LAMB4: variants seen among roughly 807,000 people sequenced by gnomAD.
The protein encoded by LAMB4 is laminin subunit beta 4.
Under a neutral mutation model 199.2 loss-of-function variants are expected in LAMB4, and 196 were observed. The observed-to-expected ratio is 0.98, with a 90% CI of 0.88 to 1.11. The LOEUF is 1.11. Ranked by LOEUF, LAMB4 falls within the 50% of genes least tolerant of loss-of-function variation. The pLI is 0.00. For missense variants in LAMB4, 2,080 were observed against 2,171.2 expected, an observed-to-expected ratio of 0.96 and a Z score of 0.83; for synonymous variants, 744 against 770.6, an observed-to-expected ratio of 0.97 and a Z score of 0.57.
At chr7:108,057,249 A>G (rs1260341380) in intron 24 of LAMB4, among the ~76,000 whole-genome samples, 1 of 152,210 alleles carries the variant, frequency 6.6e-6, no homozygotes, top group Non-Finnish European at 1.5e-5. Flanking sequence ...TTTTTATGAA[A>G]TAAGATTATC....
At chr7:108,093,223 C>T (rs544421172) in intron 12 of LAMB4, among the ~76,000 whole-genome samples, 23 of 152,162 alleles carry the variant, frequency 1.5e-4, no homozygotes, top group African/African-American at 4.1e-4. Flanking sequence ...CCTGCCACCA[C>T]GCTCGGCTGA....
At chr7:108,093,300 C>T (rs911651579) in intron 12 of LAMB4, among the ~76,000 whole-genome samples, 1 of 152,066 alleles carries the variant, frequency 6.6e-6, no homozygotes, top group African/African-American at 2.4e-5. Context: ...CTCCTGACCT[C>T]GTGATCCATC....
At position 108,032,695 on chromosome 7, in the gene LAMB4, C is replaced by T. The variant is rs1009770768; in HGVS notation, c.4818+1513G>A. ...TTTTTCTACTGACTCTGTGTGTTTG[C>T]GTGTGTGTGTGTGTGTGTGTGTGTG... On this transcript the variant is annotated intron_variant, in intron 31 of 33. Coordinates refer to ENST00000388781, the MANE Select transcript of LAMB4 (RefSeq NM_007356.3). Among the ~76,000 whole-genome samples, 13 of 144,610 alleles carry T rather than the reference C, an allele frequency of 9.0e-5. 1 individual carries two copies. In the South Asian group the frequency reaches 2.3e-3, roughly 25 times the overall value. The allele number at this position is 144,610 out of a possible 152,430, so 94.9% of individuals were successfully genotyped here.
intron 2 of LAMB4, among the ~76,000 whole-genome samples, chr7:108,117,820 T>G (rs530038267): frequency 2.0e-5 from 3 of 152,338 alleles, no homozygotes; most frequent in African/African-American, 7.2e-5. Flanking sequence ...CTTCCTGATG[T>G]TGCTATGACA....
intron 4 of LAMB4, among the ~76,000 whole-genome samples, chr7:108,110,326 GC>G (rs1392199433): frequency 6.6e-6 from 1 of 152,196 alleles, no homozygotes; most frequent in African/African-American, 2.4e-5. Flanking sequence ...ACTGCACCCT[GC>G]CAGAAAATCA....
chr7:108,031,184 G>C (rs2035017115), intron 31 of LAMB4, among the ~76,000 whole-genome samples: 2 of 151,502 alleles, frequency 1.3e-5, no homozygotes, highest in Non-Finnish European at 2.9e-5. Flanking sequence ...CGTTAGCCTA[G>C]CGTGGGGTGC....
At chr7:108,046,311 G>T (rs554503776) in intron 28 of LAMB4, among the ~76,000 whole-genome samples, 1 of 148,712 alleles carries the variant, frequency 6.7e-6, no homozygotes, top group African/African-American at 2.5e-5. Flanking sequence ...GGCTGGTCTC[G>T]AACTCCTGAC....
At chr7:108,081,668 TG>T (rs1264363562) in intron 14 of LAMB4, among the ~76,000 whole-genome samples, 1 of 152,180 alleles carries the variant, frequency 6.6e-6, no homozygotes, top group African/African-American at 2.4e-5. Flanking sequence ...AGGGCCGTGG[TG>T]GGTGACATGC....
chr7:108,022,141 C>T (rs1270941841), downstream of LAMB4, among the ~76,000 whole-genome samples: 2 of 152,192 alleles, frequency 1.3e-5, no homozygotes, highest in African/African-American at 4.8e-5. Context: ...TCCTTAGTTA[C>T]ATTTTCTCCA....
intron 6 of LAMB4, among the ~76,000 whole-genome samples, chr7:108,107,422 C>A (rs1276598052): frequency 6.6e-6 from 1 of 152,182 alleles, no homozygotes; most frequent in Non-Finnish European, 1.5e-5. Flanking sequence ...CCATGCCCAC[C>A]TTCAGCTGAG....
intron 32 of LAMB4, among the ~76,000 whole-genome samples, chr7:108,030,118 C>CAAAAAA (rs749155829): frequency 1.3e-5 from 1 of 79,870 alleles, no homozygotes; most frequent in Non-Finnish European, 2.7e-5. Flanking sequence ...CTCTGTCTCA[C>CAAAAAA]AAAAAAAAAA....
At chr7:108,125,312 A>G (rs1042425293) in intron 1 of LAMB4, among the ~76,000 whole-genome samples, 1 of 152,160 alleles carries the variant, frequency 6.6e-6, no homozygotes, top group Non-Finnish European at 1.5e-5. Flanking sequence ...GCCCAGATAT[A>G]CTTCTGATAA....
intron 1 of LAMB4, among the ~76,000 whole-genome samples, chr7:108,127,051 T>C (rs951510034): frequency 2.6e-5 from 4 of 152,124 alleles, no homozygotes; most frequent in African/African-American, 7.2e-5. Flanking sequence ...GAACCACTGA[T>C]GGCTTGCCAA....
rs757001477 is a variant in LAMB4 at position 108,098,343 on chromosome 7, A to AAACC, written c.1360+56_1360+59dup. On this transcript the variant is annotated intron_variant, in intron 11 of 33. Transcript: ENST00000388781. ...GCGAGACTCCATCTCAAAAACAGAC[A>AAACC]AACCAACCAACCACATAGGGGTTGA... 664 of 589,780 alleles carry AAACC rather than the reference A, an allele frequency of 1.1e-3. 9 individuals are homozygous for AAACC. Among genetic ancestry groups the AAACC allele is most frequent in the Middle Eastern group, 2.6e-3 (8 of 3,062 alleles). The allele number at this position is 589,780 out of a possible 1,614,324, so 36.5% of individuals were successfully genotyped here.
At chr7:108,048,158 CTTTT>C (rs747991620) in intron 27 of LAMB4, 47 bp from the exon 28 acceptor site, 5,440 of 456,044 alleles carry the variant, frequency 0.012, no homozygotes, top group East Asian at 0.016. Flanking sequence ...GTTGTCAGAG[CTTTT>C]TTTTTTTTTT....
At chr7:108,033,542 G>A (rs1233894662) in intron 31 of LAMB4, among the ~76,000 whole-genome samples, 1 of 151,988 alleles carries the variant, frequency 6.6e-6, no homozygotes, top group Non-Finnish European at 1.5e-5. Context: ...CCAAGTAGCT[G>A]GGATTATAGG....
intron 31 of LAMB4, 79 bp from the exon 32 acceptor site, chr7:108,031,058 G>A (rs1322344081): frequency 2.5e-6 from 3 of 1,205,010 alleles, no homozygotes; most frequent in Non-Finnish European, 3.5e-6. Context: ...TTAACCCCTT[G>A]AAAAATATGC....
intron 1 of LAMB4, among the ~76,000 whole-genome samples, chr7:108,128,561 T>G (rs2150712532): frequency 6.6e-6 from 1 of 152,262 alleles, no homozygotes; most frequent in Admixed American, 6.5e-5. Context: ...TTCCTCCCCA[T>G]TTTCTATTTC....
chr7:108,050,735 A>G (rs1392537989), intron 26 of LAMB4, among the ~76,000 whole-genome samples: 1 of 152,192 alleles, frequency 6.6e-6, no homozygotes, highest in Non-Finnish European at 1.5e-5. Context: ...TATCATGAAA[A>G]AAGTGTTCCT....
Sources: gnomAD v4.1 joint callset for allele counts (sites outside exome capture counted in the v4.1 genomes callset) on GRCh38, gnomAD v4.1.1 for gene constraint, MANE v1.5 for transcripts, NCBI Gene and HGNC (gene_info 2026-07-23, HGNC 2026-07-21) for gene names.